Variants in PRKN observed in about 807,000 individuals in gnomAD.
The protein encoded by PRKN is E3 ubiquitin-protein ligase parkin.
Under a neutral mutation model 59.5 loss-of-function variants are expected in PRKN, and 56 were observed. The observed-to-expected ratio is 0.94, with a 90% CI of 0.76 to 1.18. The LOEUF is 1.18. Ranked by LOEUF, PRKN falls within the 50% of genes most tolerant of loss-of-function variation. The pLI is 0.00. For synonymous variants in PRKN, 250 were observed against 222.1 expected (o/e 1.13, Z -1.12); for missense variants, 657 against 596.4 (o/e 1.10, Z -1.06).
chr6:161,367,232 C>T (rs1286304967), intron 10 of PRKN, among the ~76,000 whole-genome samples: 6 of 151,864 alleles, frequency 4.0e-5, no homozygotes, highest in Admixed American at 2.0e-4. Context: ...CCACCCGCCT[C>T]GGCCTCCCAA....
At chr6:161,829,251 C>CA (rs1004459484) in intron 6 of PRKN, among the ~76,000 whole-genome samples, 64 of 151,716 alleles carry the variant, frequency 4.2e-4, no homozygotes, top group Admixed American at 1.2e-3. Context: ...AAAACAAAAA[C>CA]AAAAAAAACA....
At chr6:161,941,155 T>G (rs1483974763) in intron 6 of PRKN, among the ~76,000 whole-genome samples, 1 of 152,102 alleles carries the variant, frequency 6.6e-6, no homozygotes, top group Non-Finnish European at 1.5e-5. Flanking sequence ...GGACAATTAT[T>G]TTCATTTTCC....
chr6:162,280,764 T>C (rs1434817963), intron 2 of PRKN, among the ~76,000 whole-genome samples: 2 of 123,948 alleles, frequency 1.6e-5, no homozygotes, highest in Admixed American at 2.3e-4. Context: ...GCCACTGTAT[T>C]CCAGCCTGGG....
In PRKN at chr6:162,425,781, T is replaced by C. The variant is rs560553695; in HGVS notation, c.171+17529A>G. Among the ~76,000 whole-genome samples, 6 of 152,346 alleles carry C rather than the reference T, an allele frequency of 3.9e-5. No homozygotes were observed. In the South Asian group the frequency reaches 1.2e-3, roughly 32 times the overall value. ...AAGTCCAACATATAATGAACTTATA[T>C]TCTAGAATTAGAGGAAAATGCAAAA... On this transcript the variant is annotated intron_variant, in intron 2 of 11. Transcript: ENST00000366898.
chr6:162,079,151 C>T (rs993011290), intron 4 of PRKN, among the ~76,000 whole-genome samples: 8 of 152,074 alleles, frequency 5.3e-5, no homozygotes, highest in African/African-American at 1.9e-4. Context: ...AGCTCCACAG[C>T]CCCTGACAGC....
At chr6:162,621,926 T>C (rs1045458864) in intron 1 of PRKN, among the ~76,000 whole-genome samples, 1 of 152,172 alleles carries the variant, frequency 6.6e-6, no homozygotes, top group Non-Finnish European at 1.5e-5. Context: ...TTGATTCTCC[T>C]GTCTCAGCCT....
chr6:161,727,346 C>T (rs563979724), intron 7 of PRKN, among the ~76,000 whole-genome samples: 3 of 152,222 alleles, frequency 2.0e-5, no homozygotes, highest in East Asian at 1.9e-4. Context: ...CACAGTGAGC[C>T]GGGTCCCCAA....
chr6:161,907,050 C>T (rs752453175), intron 6 of PRKN, among the ~76,000 whole-genome samples: 9 of 152,076 alleles, frequency 5.9e-5, no homozygotes, highest in Non-Finnish European at 1.0e-4. Context: ...ACAGACACAC[C>T]AGGAATGATA....
At position 161,525,689 on chromosome 6, in the gene PRKN, C is replaced by T. The variant is rs1238963142; in HGVS notation, c.1083+23165G>A. Among the ~76,000 whole-genome samples, 1 of 152,126 alleles carries T rather than the reference C, an allele frequency of 6.6e-6. No individual in the cohort carries two copies. Among genetic ancestry groups the T allele is most frequent in the Non-Finnish European group, 1.5e-5 (1 of 68,026 alleles). ...CACTTAGTATCCCTGTACTTGGGAT[C>T]TTTGAAGGCTATACTATTTTAAAAA... On this transcript the variant is annotated intron_variant, in intron 9 of 11. Coordinates refer to ENST00000366898, the MANE Select transcript of PRKN (RefSeq NM_004562.3). The surrounding 1 kb of genome is among the most constrained non-coding windows in gnomAD (Gnocchi z 4.7).
chr6:161,943,272 A>G (rs1779632495), intron 6 of PRKN, among the ~76,000 whole-genome samples: 1 of 152,226 alleles, frequency 6.6e-6, no homozygotes, highest in African/African-American at 2.4e-5. Context: ...GTCAAATAAG[A>G]CAAAAAAAAT....
chr6:161,881,036 A>G (rs1409823418), intron 6 of PRKN, among the ~76,000 whole-genome samples: 1 of 152,202 alleles, frequency 6.6e-6, no homozygotes, highest in Admixed American at 6.5e-5. Flanking sequence ...TGTAAAAATG[A>G]AACCTTTAAA....
At chr6:161,430,801 C>T (rs1353728186) in intron 9 of PRKN, among the ~76,000 whole-genome samples, 1 of 120,950 alleles carries the variant, frequency 8.3e-6, no homozygotes, top group African/African-American at 3.3e-5. Flanking sequence ...GGCAACACAG[C>T]CAGACTCCGT....
intron 9 of PRKN, among the ~76,000 whole-genome samples, chr6:161,425,383 C>A (rs6906964): frequency 0.025 from 3,862 of 152,250 alleles, 165 homozygotes; most frequent in African/African-American, 0.087. Context: ...CCATTGCAAT[C>A]CTGATCTGAA....
chr6:161,466,204 A>G lies in PRKN; in HGVS notation c.1084-79327T>C, dbSNP rs1318536545. Among the ~76,000 whole-genome samples, 1 of 152,132 alleles carries G rather than the reference A, an allele frequency of 6.6e-6. No individual in the cohort carries two copies. Among genetic ancestry groups the G allele is most frequent in the Non-Finnish European group, 1.5e-5 (1 of 68,008 alleles). ...CCCTGTGTTTCTATTTGAACAGTTT[A>G]TATTGACCGCTCTTCAAGATCATTG... On this transcript the variant is annotated intron_variant, in intron 9 of 11. Transcript: ENST00000366898. The surrounding 1 kb of genome is among the most constrained non-coding windows in gnomAD (Gnocchi z 5.0).
chr6:161,532,384 G>A (rs1369108843), intron 9 of PRKN, among the ~76,000 whole-genome samples: 1 of 151,868 alleles, frequency 6.6e-6, no homozygotes, highest in South Asian at 2.1e-4. Flanking sequence ...GCAGGAGTGT[G>A]TATATGGCTG....
rs943429723 is a variant in PRKN, at chr6:161,396,902, T to C, written c.1084-10025A>G. Among the ~76,000 whole-genome samples the C allele has an allele frequency of 2.6e-5, 4 of 152,200 alleles. No homozygotes were observed. The highest frequency in any genetic ancestry group is 9.7e-5 in the African/African-American group (4 of 41,444). ...CCCTGCCAGCACATCTTACAGACTT[T>C]TGTCTTTGGAGGTTTTGCAGCTCCT... On this transcript the variant is annotated intron_variant, in intron 9 of 11. Transcript: ENST00000366898. This position sits in a 1 kb window ranked among gnomAD's most constrained non-coding sequence, Gnocchi z 5.4.
intron 7 of PRKN, among the ~76,000 whole-genome samples, chr6:161,774,349 C>A (rs1789821561): frequency 6.8e-6 from 1 of 147,416 alleles, no homozygotes; most frequent in Non-Finnish European, 1.5e-5. Context: ...AGGGCCAGAT[C>A]CTGTTTCCTC....
intron 9 of PRKN, among the ~76,000 whole-genome samples, chr6:161,522,741 C>G (rs1305063581): frequency 6.6e-6 from 1 of 152,256 alleles, no homozygotes; most frequent in Non-Finnish European, 1.5e-5. Context: ...ATTGTCCTAT[C>G]TGTGAACATC....
At chr6:162,113,053 CA>C (rs1780509995) in intron 4 of PRKN, among the ~76,000 whole-genome samples, 2 of 152,264 alleles carry the variant, frequency 1.3e-5, no homozygotes, top group South Asian at 2.1e-4. Context: ...TTCATGAAAA[CA>C]GTCTTCAAGT....
Sources: allele counts gnomAD v4.1 joint callset (sites outside exome capture counted in the v4.1 genomes callset), GRCh38; gene constraint gnomAD v4.1.1; non-coding constraint Gnocchi (gnomAD v3.1); transcripts MANE v1.5; gene names NCBI Gene and HGNC (gene_info 2026-07-23, HGNC 2026-07-21).